The following USP33 variants were observed in gnomAD, a reference collection of about 807,000 sequenced individuals.
USP33 encodes ubiquitin carboxyl-terminal hydrolase 33.
USP33 carries 46 observed loss-of-function variants against 124.2 expected under a neutral mutation model. The ratio of observed to expected loss-of-function variants is 0.37; its 90% CI spans 0.29 to 0.47. The LOEUF is 0.47. USP33 is among the 20% of genes least tolerant of loss of function. USP33 has a pLI of 0.99. For missense variants in USP33, 851 were observed against 1,070.6 expected, an observed-to-expected ratio of 0.79 and a Z score of 2.86; for synonymous variants, 350 against 352.3, an observed-to-expected ratio of 0.99 and a Z score of 0.07.
chr1:77,721,656 T>C (rs1676572983), intron 14 of USP33, 175 bp downstream of exon 14: 1 of 575,680 alleles, frequency 1.7e-6, no homozygotes, highest in African/African-American at 1.9e-5. Flanking sequence ...CTTCAGGATG[T>C]GATTTTTCTT....
chr1:77,744,953 A>G (rs1317564873), intron 1 of USP33, among the ~76,000 whole-genome samples: 1 of 152,192 alleles, frequency 6.6e-6, no homozygotes, highest in Non-Finnish European at 1.5e-5. Flanking sequence ...CTTGGTGCAG[A>G]GCTGAGTTCA....
At chr1:77,730,589 AAAG>A (rs200846205) in intron 8 of USP33, 26 bp downstream of exon 8, 37,299 of 1,412,456 alleles carry the variant, frequency 0.026, 593 homozygotes, top group Middle Eastern at 0.077. Flanking sequence ...AAAGTTTAAT[AAAG>A]AAGAAGAGTA....
chr1:77,733,253 G>C (rs1361886397), intron 7 of USP33, among the ~76,000 whole-genome samples: 1 of 152,112 alleles, frequency 6.6e-6, no homozygotes, highest in African/African-American at 2.4e-5. Context: ...AATTAGTCAG[G>C]TTTGGTGGCA....
In USP33 at chr1:77,697,497, A is replaced by T. The variant is rs781657497; in HGVS notation, c.2579-23T>A. On this transcript the variant is annotated intron_variant, in intron 23 of 23. Transcript: ENST00000370794. ...CTCCTTAAAATTACGTAGAAGAAAT[A>T]ATGTTTACAAACCTATATATTCATA... is the stretch of plus-strand genomic sequence containing the variant. 8.2e-6 allele frequency: 13 copies of T among 1,583,880 alleles called. 1 individual carries two copies. Among genetic ancestry groups the T allele is most frequent in the Non-Finnish European group, 1.1e-5 (13 of 1,169,570 alleles).
chr1:77,733,040 G>T (rs1471213590), intron 7 of USP33, among the ~76,000 whole-genome samples: 2 of 151,570 alleles, frequency 1.3e-5, no homozygotes, highest in African/African-American at 4.8e-5. Context: ...TGATCCACCC[G>T]CCTCAGCCTC....
At chr1:77,739,558 A>T in intron 4 of USP33, 141 bp from the exon 5 acceptor site, 1 of 785,778 alleles carries the variant, frequency 1.3e-6, no homozygotes, top group African/African-American at 1.8e-5. Flanking sequence ...AACATGAAAA[A>T]AATTCTTTAG....
At chr1:77,713,898 G>A (rs1291396721) in intron 19 of USP33, among the ~76,000 whole-genome samples, 3 of 152,132 alleles carry the variant, frequency 2.0e-5, no homozygotes, top group African/African-American at 7.2e-5. Context: ...TAATTATAAA[G>A]CATTTTTGGT....
chr1:77,705,763 C>T (rs753838867), intron 21 of USP33, among the ~76,000 whole-genome samples: 3 of 152,110 alleles, frequency 2.0e-5, no homozygotes, highest in Non-Finnish European at 2.9e-5. Context: ...CAACTGTCAC[C>T]ACAATCCAGC....
chr1:77,697,563 C>A, intron 23 of USP33, 89 bp from the exon 24 acceptor site: 1 of 1,434,626 alleles, frequency 7.0e-7, no homozygotes, highest in Non-Finnish European at 9.4e-7. Context: ...CATGAATCTT[C>A]TCGGGATAAT....
intron 7 of USP33, among the ~76,000 whole-genome samples, chr1:77,731,470 C>T (rs1204791253): frequency 1.3e-5 from 2 of 152,026 alleles, no homozygotes; most frequent in Non-Finnish European, 2.9e-5. Context: ...AAATCCTGAC[C>T]TACATAAACC....
chr1:77,753,002 C>A (rs538846878), intron 1 of USP33, among the ~76,000 whole-genome samples: 1 of 152,046 alleles, frequency 6.6e-6, no homozygotes, highest in African/African-American at 2.4e-5. Flanking sequence ...TTGCTGGAAC[C>A]CGCGAAGAGG....
chr1:77,753,827 A>G (rs949860006), intron 1 of USP33, among the ~76,000 whole-genome samples: 1 of 149,740 alleles, frequency 6.7e-6, no homozygotes, highest in Non-Finnish European at 1.5e-5. Context: ...TACACATAAT[A>G]CGTTAATATA....
chr1:77,756,279 T>A (rs940538379), intron 1 of USP33, among the ~76,000 whole-genome samples: 2 of 147,702 alleles, frequency 1.4e-5, no homozygotes, highest in South Asian at 2.1e-4. Context: ...AAATTCGGCA[T>A]TTTTTTTTTT....
Position 77,716,310 on chromosome 1 carries a change from T to C in USP33, c.1919-442A>G, listed in dbSNP as rs538186185. Among the ~76,000 whole-genome samples the C allele has an allele frequency of 8.5e-5, 13 of 152,302 alleles. No individual in the cohort carries two copies. The South Asian group carries it at 2.7e-3, about 32-fold the overall frequency. ...CCGAGCCTCAAGTGATCCTTCTGCC[T>C]CAGCCTCCAAAGGTGCTGGGATTAC... is the stretch of plus-strand genomic sequence containing the variant. On this transcript the variant is annotated intron_variant, in intron 17 of 23. Transcript: ENST00000370794.
intron 9 of USP33, among the ~76,000 whole-genome samples, chr1:77,729,406 T>C (rs1214939563): frequency 6.9e-6 from 1 of 145,056 alleles, no homozygotes; most frequent in Non-Finnish European, 1.5e-5. Context: ...GTACAGTGCC[T>C]CATGCCTGTA....
rs377338115 is a variant in USP33, at chr1:77,718,054, A to G, written c.1738-7T>C. 31 of 1,583,144 alleles carry G rather than the reference A, an allele frequency of 2.0e-5. No homozygotes were observed. In the South Asian group the frequency reaches 3.3e-4, roughly 17 times the overall value. On this transcript the variant is annotated splice_polypyrimidine_tract_variant and splice_region_variant and intron_variant, in intron 16 of 23. Coordinates refer to ENST00000370794, the MANE Select transcript of USP33 (RefSeq NM_201624.3). ...TAAGGTGGATGCACAAAATCTAAAA[A>G]AGAATAAAATTCAAAACTAATTTGT...
chr1:77,725,609 A>G lies in USP33; in HGVS notation c.1276+13T>C. 6.2e-7 allele frequency: 1 copy of G among 1,613,664 alleles called. No individual in the cohort carries two copies. The highest frequency in any genetic ancestry group is 8.5e-7 in the Non-Finnish European group (1 of 1,179,810). On this transcript the variant is annotated intron_variant, in intron 11 of 23. Transcript: ENST00000370794. Reference sequence around the variant, plus strand: ...CCCAAAGCAAAAGAGACTGAATAAGAGAAACGTTTTACCTTTTTTGTGTGG... The same window carrying G: ...CCCAAAGCAAAAGAGACTGAATAAGGGAAACGTTTTACCTTTTTTGTGTGG...
chr1:77,728,854 G>A, intron 9 of USP33, 142 bp from the exon 10 acceptor site: 1 of 896,190 alleles, frequency 1.1e-6, no homozygotes, highest in Non-Finnish European at 1.6e-6. Context: ...GAGAGCATAA[G>A]GCACTAGATA....
rs1051450403 is a variant in USP33 at position 77,759,627 on chromosome 1, G to A, written c.-52+16C>T. 4 of 398,546 alleles carry A rather than the reference G, an allele frequency of 1.0e-5. No individual in the cohort carries two copies. The highest frequency in any genetic ancestry group is 6.2e-5 in the African/African-American group (3 of 48,630). 24.7% of individuals were successfully genotyped at this position (398,546 alleles called of 1,614,324 possible). A position where few individuals can be genotyped will look rare whatever the true frequency, so the allele number is the denominator to read the frequency against. On this transcript the variant is annotated intron_variant, in intron 1 of 23. Transcript: ENST00000370794. ...GCCCTTGGGCCCCGCGCCCCTCCCA[G>A]CAGCGCCGCGCTCACCTCCACGGCC...
Sources: gnomAD v4.1 joint callset for allele counts (sites outside exome capture counted in the v4.1 genomes callset) on GRCh38, gnomAD v4.1.1 for gene constraint, MANE v1.5 for transcripts, NCBI Gene and HGNC (gene_info 2026-07-23, HGNC 2026-07-21) for gene names.